Variants in CD9 observed in about 807,000 individuals in gnomAD.
CD9 encodes the protein CD9 antigen.
In CD9, 10 loss-of-function variants were observed where a neutral mutation model predicts 31.4. The ratio of observed to expected loss-of-function variants is 0.32; its 90% CI spans 0.20 to 0.54. CD9 has a LOEUF of 0.54. Ranked by LOEUF, CD9 falls within the 20% of genes least tolerant of loss-of-function variation. The pLI is 0.94. For missense variants in CD9, 259 were observed against 300.1 expected (o/e 0.86, Z 1.01); for synonymous variants, 113 against 114.1 (o/e 0.99, Z 0.06).
At chr12:6,216,027 C>T (rs1176909897) in intron 1 of CD9, among the ~76,000 whole-genome samples, 1 of 152,126 alleles carries the variant, frequency 6.6e-6, no homozygotes, top group African/African-American at 2.4e-5. Context: ...GAGAGGAGGA[C>T]ACAGAGAGGG....
intron 1 of CD9, among the ~76,000 whole-genome samples, chr12:6,218,428 T>A (rs1201287587): frequency 6.6e-6 from 1 of 152,128 alleles, no homozygotes; most frequent in Non-Finnish European, 1.5e-5. Flanking sequence ...TGAAACCACG[T>A]TCAACCCACT....
At chr12:6,234,096 C>T (rs1483642087) in intron 4 of CD9, among the ~76,000 whole-genome samples, 3 of 151,372 alleles carry the variant, frequency 2.0e-5, no homozygotes, top group East Asian at 3.9e-4. Context: ...AGAAGGGAGC[C>T]GTGACCTAAA....
intron 1 of CD9, among the ~76,000 whole-genome samples, chr12:6,223,496 C>T (rs1284509097): frequency 2.6e-5 from 4 of 152,078 alleles, no homozygotes; most frequent in South Asian, 2.1e-4. Flanking sequence ...CTCCTGACCT[C>T]GTGATCCACC....
chr12:6,206,900 A>AT (rs541948925), intron 1 of CD9, among the ~76,000 whole-genome samples: 10,034 of 137,576 alleles, frequency 0.073, 391 homozygotes, highest in South Asian at 0.12. Flanking sequence ...GCCCATAGAC[A>AT]TTTTTTTTTT....
At chr12:6,216,197 G>A (rs1415286427) in intron 1 of CD9, among the ~76,000 whole-genome samples, 1 of 152,230 alleles carries the variant, frequency 6.6e-6, no homozygotes, top group East Asian at 1.9e-4. Flanking sequence ...AGGTCTGGGT[G>A]GCCTGACTTG....
intron 1 of CD9, among the ~76,000 whole-genome samples, chr12:6,218,508 G>A (rs145177167): frequency 5.5e-4 from 84 of 152,288 alleles, no homozygotes; most frequent in African/African-American, 2.0e-3. Flanking sequence ...TCCATCAGGA[G>A]GCCAGGCTGT....
intron 1 of CD9, among the ~76,000 whole-genome samples, chr12:6,206,518 C>T (rs976429201): frequency 3.3e-5 from 5 of 152,200 alleles, no homozygotes; most frequent in African/African-American, 1.2e-4. Flanking sequence ...GCCACCGCGC[C>T]TGGCCTACAT....
In CD9 at chr12:6,238,160, AT is replaced by A. The variant is rs1591984215; in HGVS notation, c.*339del. 5.4e-6 allele frequency: 1 copy of A among 184,470 alleles called. No individual in the cohort carries two copies. Among genetic ancestry groups the A allele is most frequent in the South Asian group, 1.2e-4 (1 of 8,684 alleles). The allele number at this position is 184,470 out of a possible 1,614,324, so 11.4% of individuals were successfully genotyped here. A position where few individuals can be genotyped will look rare whatever the true frequency, so the allele number is the denominator to read the frequency against. On this transcript the variant is annotated 3_prime_UTR_variant, in exon 8 of 8. Coordinates refer to ENST00000009180, the MANE Select transcript of CD9 (RefSeq NM_001769.4). ...TAGACAAGATATTGTACATAAAAGA[AT>A]TTTTTTGTCTTTAAATAGATACAAA...
intron 1 of CD9, among the ~76,000 whole-genome samples, chr12:6,211,095 C>G (rs949451146): frequency 6.6e-6 from 1 of 152,156 alleles, no homozygotes; most frequent in Non-Finnish European, 1.5e-5. Context: ...CTTGGCCTCC[C>G]AAAGTGCTGG....
Position 6,232,845 on chromosome 12 carries a change from A to G in CD9, c.273+116A>G. 1.3e-6 allele frequency: 1 copy of G among 752,862 alleles called. No individual in the cohort carries two copies. Among genetic ancestry groups the G allele is most frequent in the Non-Finnish European group, 2.3e-6 (1 of 430,880 alleles). The allele number at this position is 752,862 out of a possible 1,614,324, so 46.6% of individuals were successfully genotyped here. ...GGGGGATGGGGTCAGGAAGGTACCCAAAGGGCATGAGCTGTCCTCAGCCTG... is the reference window on the plus strand; with the variant it reads ...GGGGGATGGGGTCAGGAAGGTACCCGAAGGGCATGAGCTGTCCTCAGCCTG... On this transcript the variant is annotated intron_variant, in intron 3 of 7. Transcript: ENST00000009180. The surrounding 1 kb of genome is among the most constrained non-coding windows in gnomAD (Gnocchi z 4.8).
At position 6,232,771 on chromosome 12, in the gene CD9, A is replaced by G. The variant is rs1946465074; in HGVS notation, c.273+42A>G. On this transcript the variant is annotated intron_variant, in intron 3 of 7. Coordinates refer to ENST00000009180, the MANE Select transcript of CD9 (RefSeq NM_001769.4). The surrounding 1 kb of genome is among the most constrained non-coding windows in gnomAD (Gnocchi z 4.8). ...CATCCCCACAGCCACCCTGACTCCC[A>G]CCAACAAAAACCTCAGCAGGCCCAG... is the stretch of plus-strand genomic sequence containing the variant. 7.8e-7 allele frequency: 1 copy of G among 1,286,966 alleles called. No homozygotes were observed. The highest frequency in any genetic ancestry group is 1.1e-6 in the Non-Finnish European group (1 of 919,694). The allele number at this position is 1,286,966 out of a possible 1,614,324, so 79.7% of individuals were successfully genotyped here. A position where few individuals can be genotyped will look rare whatever the true frequency, so the allele number is the denominator to read the frequency against.
At chr12:6,212,663 G>A (rs533510820) in intron 1 of CD9, among the ~76,000 whole-genome samples, 14 of 152,358 alleles carry the variant, frequency 9.2e-5, no homozygotes, top group Non-Finnish European at 1.8e-4. Flanking sequence ...AAGGAATCCA[G>A]GGAAATAGGC....
chr12:6,221,656 C>G (rs1946293005), intron 1 of CD9, among the ~76,000 whole-genome samples: 1 of 151,786 alleles, frequency 6.6e-6, no homozygotes. Context: ...TGCTCCTGGC[C>G]CCTCCCATTT....
chr12:6,229,744 G>A (rs1946419609), intron 2 of CD9, among the ~76,000 whole-genome samples: 1 of 151,884 alleles, frequency 6.6e-6, no homozygotes. Flanking sequence ...GAGCCCTGGT[G>A]AACAGTGAAA....
At chr12:6,212,559 C>A (rs1476311729) in intron 1 of CD9, among the ~76,000 whole-genome samples, 3 of 152,308 alleles carry the variant, frequency 2.0e-5, no homozygotes, top group African/African-American at 7.2e-5. Flanking sequence ...CACCCAGGAG[C>A]CCCCCAGCTG....
At chr12:6,225,939 A>G (rs1311269861) in intron 2 of CD9, among the ~76,000 whole-genome samples, 1 of 152,184 alleles carries the variant, frequency 6.6e-6, no homozygotes, top group East Asian at 1.9e-4. Context: ...GAAGATATAG[A>G]CAGCTTTCCT....
intron 1 of CD9, among the ~76,000 whole-genome samples, chr12:6,218,495 A>G (rs1307149423): frequency 6.6e-6 from 1 of 152,090 alleles, no homozygotes; most frequent in East Asian, 1.9e-4. Flanking sequence ...TACTTCAAGA[A>G]TTTCCATCAG....
At chr12:6,212,183 C>T (rs542727449) in intron 1 of CD9, among the ~76,000 whole-genome samples, 1 of 152,168 alleles carries the variant, frequency 6.6e-6, no homozygotes, top group Non-Finnish European at 1.5e-5. Context: ...GTGCTGTGCA[C>T]CGTCAGAGGA....
intron 1 of CD9, among the ~76,000 whole-genome samples, chr12:6,216,886 T>C (rs2047407794): frequency 6.6e-6 from 1 of 151,962 alleles, no homozygotes; most frequent in African/African-American, 2.4e-5. Flanking sequence ...TTTCTCAGGG[T>C]TTATTATTAT....
Sources: allele counts gnomAD v4.1 joint callset (sites outside exome capture counted in the v4.1 genomes callset), GRCh38; gene constraint gnomAD v4.1.1; non-coding constraint Gnocchi (gnomAD v3.1); transcripts MANE v1.5; gene names NCBI Gene and HGNC (gene_info 2026-07-23, HGNC 2026-07-21).